CELF2: variants seen among roughly 807,000 people sequenced by gnomAD.
CELF2 encodes CUGBP Elav-like family member 2, also known as CUG triplet repeat RNA-binding protein 2.
A neutral mutation model predicts 62.6 loss-of-function variants in CELF2; 8 were observed. The observed-to-expected ratio is 0.13, with a 90% CI of 0.07 to 0.23. The LOEUF is 0.23. CELF2 is among the 10% of genes least tolerant of loss of function. The pLI is 1.00. For synonymous variants in CELF2, 258 were observed against 250.0 expected (o/e 1.03, Z -0.30); for missense variants, 333 against 671.0 (o/e 0.50, Z 5.56).
the CELF2 span, among the ~76,000 whole-genome samples, chr10:10,560,545 A>C: frequency 0.14 from 20,737 of 152,110 alleles, 1,565 homozygotes; most frequent in East Asian, 0.23. Context: ...TGTGGCAATC[A>C]GGGAGCACTT....
chr10:11,026,687 A>G lies in CELF2; in HGVS notation c.74+8524A>G, dbSNP rs147638355. Among the ~76,000 whole-genome samples the G allele has an allele frequency of 8.3e-4, 126 of 152,158 alleles. 2 individuals are homozygous for G. The highest frequency in any genetic ancestry group is 1.6e-3 in the Non-Finnish European group (106 of 68,014). Reference sequence around the variant, plus strand: ...TCTTATGTTTTCCTGATTTATATATATGTTTTAAAAAATCTCCTTTAATGC... The same window carrying G: ...TCTTATGTTTTCCTGATTTATATATGTGTTTTAAAAAATCTCCTTTAATGC... On this transcript the variant is annotated intron_variant, in intron 1 of 12. Coordinates refer to ENST00000633077, the MANE Select transcript of CELF2 (RefSeq NM_001326342.2).
At chr10:10,718,534 G>A in the CELF2 span, among the ~76,000 whole-genome samples, 1 of 149,818 alleles carries the variant, frequency 6.7e-6, no homozygotes, top group South Asian at 2.1e-4. Context: ...GGAGACAGGA[G>A]AATTGCTTGA....
At chr10:11,151,334 TC>T (rs1364433955) in intron 1 of CELF2, among the ~76,000 whole-genome samples, 1 of 152,242 alleles carries the variant, frequency 6.6e-6, no homozygotes, top group Non-Finnish European at 1.5e-5. Flanking sequence ...AATTGTTTTT[TC>T]TTCTGTATCT....
chr10:10,979,285 G>A (rs1297919767), intron 2 of CELF2, among the ~76,000 whole-genome samples: 8 of 152,266 alleles, frequency 5.3e-5, no homozygotes, highest in Admixed American at 3.9e-4. Context: ...GTCACTGATT[G>A]GCAAACCTCA....
the CELF2 span, among the ~76,000 whole-genome samples, chr10:10,535,838 T>A: frequency 0.023 from 3,455 of 152,228 alleles, 107 homozygotes; most frequent in African/African-American, 0.068. Context: ...TTAGAGGCCC[T>A]CCTGGTTTAC....
At chr10:10,673,925 A>C in the CELF2 span, among the ~76,000 whole-genome samples, 1 of 152,190 alleles carries the variant, frequency 6.6e-6, no homozygotes, top group Non-Finnish European at 1.5e-5. Context: ...ATTGCTAAGC[A>C]GTGTTTTATA....
At chr10:10,764,402 G>A in the CELF2 span, among the ~76,000 whole-genome samples, 1 of 152,044 alleles carries the variant, frequency 6.6e-6, no homozygotes, top group Non-Finnish European at 1.5e-5. Context: ...GAGTTTCCAC[G>A]TGCATAAGAG....
In CELF2 at chr10:11,333,260, C is replaced by T. The variant is rs2096062769; in HGVS notation, c.*4207C>T. 2 of 152,494 alleles carry T rather than the reference C, an allele frequency of 1.3e-5. No homozygotes were observed. The highest frequency in any genetic ancestry group is 1.3e-4 in the Admixed American group (2 of 15,286). 9.4% of individuals were successfully genotyped at this position (152,494 alleles called of 1,614,324 possible). On this transcript the variant is annotated 3_prime_UTR_variant, in exon 13 of 13. Transcript: ENST00000633077. ...TCCAAAAAATAACCTTCCACAGAGA[C>T]AAACTGTCCTTCTATCCACTTTTAT...
chr10:10,575,362 G>T, the CELF2 span, among the ~76,000 whole-genome samples: 1 of 152,146 alleles, frequency 6.6e-6, no homozygotes, highest in African/African-American at 2.4e-5. Flanking sequence ...AACCAAAGTT[G>T]TCCTTTGTCA....
At chr10:10,785,309 T>C in the CELF2 span, among the ~76,000 whole-genome samples, 40 of 152,272 alleles carry the variant, frequency 2.6e-4, no homozygotes, top group East Asian at 6.0e-3. Context: ...CCATGGACAT[T>C]GGGATTTTAA....
rs1162383770 is a variant in CELF2, at chr10:11,156,507, C to T, written c.75-8979C>T. Among the ~76,000 whole-genome samples, 2 of 152,132 alleles carry T rather than the reference C, an allele frequency of 1.3e-5. No individual in the cohort carries two copies. Among genetic ancestry groups the T allele is most frequent in the Non-Finnish European group, 2.9e-5 (2 of 68,012 alleles). On this transcript the variant is annotated intron_variant, in intron 1 of 12. Coordinates refer to ENST00000633077, the MANE Select transcript of CELF2 (RefSeq NM_001326342.2). The surrounding 1 kb of genome is among the most constrained non-coding windows in gnomAD (Gnocchi z 4.3). ...CATGCTTTATTTGTCTCTGTCAAAA[C>T]GGTCTTTTTAATCGATAAGGCTTAC... is the stretch of plus-strand genomic sequence containing the variant.
At chr10:10,725,690 C>G in the CELF2 span, among the ~76,000 whole-genome samples, 3 of 152,282 alleles carry the variant, frequency 2.0e-5, no homozygotes, top group South Asian at 6.2e-4. Flanking sequence ...CTGTGAGCAG[C>G]ATTTTCTAGG....
intron 1 of CELF2, among the ~76,000 whole-genome samples, chr10:11,120,992 T>G (rs1222142238): frequency 4.6e-5 from 7 of 152,142 alleles, no homozygotes; most frequent in Non-Finnish European, 8.8e-5. Flanking sequence ...CAAGGAGGTG[T>G]GTAGCCTGTA....
At chr10:10,915,031 C>G (rs2064191564) in intron 1 of CELF2, among the ~76,000 whole-genome samples, 1 of 151,182 alleles carries the variant, frequency 6.6e-6, no homozygotes, top group African/African-American at 2.4e-5. Context: ...ACTCGGGAGA[C>G]TGAGGCAGAA....
chr10:10,714,589 A>G, the CELF2 span, among the ~76,000 whole-genome samples: 2 of 152,220 alleles, frequency 1.3e-5, no homozygotes, highest in African/African-American at 2.4e-5. Flanking sequence ...GGCTGACACA[A>G]TAAAAGAAGA....
Position 11,046,004 on chromosome 10 carries a change from A to T in CELF2, c.74+27841A>T, listed in dbSNP as rs2062766309. ...GGGGTAGAGGTGAAAGAAAGGAAAC[A>T]AAATTTAAAATGCTCAGGGTTTGTT... On this transcript the variant is annotated intron_variant, in intron 1 of 12. Transcript: ENST00000633077. The surrounding 1 kb of genome is among the most constrained non-coding windows in gnomAD (Gnocchi z 4.6). Among the ~76,000 whole-genome samples, 1 of 152,230 alleles carries T rather than the reference A, an allele frequency of 6.6e-6. No individual in the cohort carries two copies. Among genetic ancestry groups the T allele is most frequent in the Non-Finnish European group, 1.5e-5 (1 of 68,040 alleles).
At chr10:10,665,538 C>G in the CELF2 span, among the ~76,000 whole-genome samples, 1 of 152,144 alleles carries the variant, frequency 6.6e-6, no homozygotes, top group Non-Finnish European at 1.5e-5. Flanking sequence ...GTTGTCCACC[C>G]TGGACATAGA....
chr10:11,161,153 A>G (rs1425758436), intron 1 of CELF2, among the ~76,000 whole-genome samples: 1 of 152,254 alleles, frequency 6.6e-6, no homozygotes, highest in African/African-American at 2.4e-5. Context: ...AAAACTAAAA[A>G]GTAAGCACTC....
intron 2 of CELF2, among the ~76,000 whole-genome samples, chr10:10,932,521 A>G (rs1287870934): frequency 6.6e-6 from 1 of 152,198 alleles, no homozygotes; most frequent in Non-Finnish European, 1.5e-5. Flanking sequence ...TAAATATGGG[A>G]AAGTTTTACC....
Sources: gnomAD v4.1 joint callset for allele counts (sites outside exome capture counted in the v4.1 genomes callset) on GRCh38, gnomAD v4.1.1 for gene constraint, Gnocchi (gnomAD v3.1) non-coding constraint, MANE v1.5 for transcripts, NCBI Gene and HGNC (gene_info 2026-07-23, HGNC 2026-07-21) for gene names.